The following ZNF385D variants were observed in gnomAD, a reference collection of about 807,000 sequenced individuals.
ZNF385D encodes zinc finger protein 385D.
In ZNF385D, 15 loss-of-function variants were observed where a neutral mutation model predicts 35.8. That is an observed-to-expected ratio of 0.42 (90% CI 0.28 to 0.64). ZNF385D has a LOEUF of 0.64. Among genes scored for constraint, ZNF385D ranks in the 30% least tolerant of loss-of-function variants. ZNF385D has a pLI of 0.23. For synonymous variants in ZNF385D, 212 were observed against 186.8 expected (o/e 1.13, Z -1.10); for missense variants, 474 against 494.6 (o/e 0.96, Z 0.39).
intron 3 of ZNF385D, among the ~76,000 whole-genome samples, chr3:22,105,370 T>C (rs535626896): frequency 3.3e-5 from 5 of 152,124 alleles, no homozygotes; most frequent in African/African-American, 1.2e-4. Context: ...TATATATCTA[T>C]ATCTCTCTCT....
chr3:22,003,693 C>T (rs1696003094), intron 3 of ZNF385D, among the ~76,000 whole-genome samples: 1 of 152,022 alleles, frequency 6.6e-6, no homozygotes, highest in African/African-American at 2.4e-5. Context: ...ATGATGAAAC[C>T]ATGTCTCTAC....
At chr3:22,155,236 A>G (rs77725219) in intron 3 of ZNF385D, among the ~76,000 whole-genome samples, 3,975 of 152,216 alleles carry the variant, frequency 0.026, 169 homozygotes, top group Admixed American at 0.11. Context: ...AGTACAGAAA[A>G]ACATTATTGA....
chr3:21,455,494 C>T (rs934336711), intron 4 of ZNF385D, among the ~76,000 whole-genome samples: 5 of 152,112 alleles, frequency 3.3e-5, no homozygotes, highest in African/African-American at 1.2e-4. Flanking sequence ...GAAAGGATTC[C>T]CTATTTAATA....
intron 3 of ZNF385D, among the ~76,000 whole-genome samples, chr3:21,854,200 G>T (rs569923369): frequency 6.6e-6 from 1 of 151,772 alleles, no homozygotes; most frequent in African/African-American, 2.4e-5. Flanking sequence ...ATCTTGGGCC[G>T]CTCCATTCAT....
chr3:21,930,181 T>A (rs531512574), intron 3 of ZNF385D, among the ~76,000 whole-genome samples: 1 of 151,230 alleles, frequency 6.6e-6, no homozygotes, highest in African/African-American at 2.4e-5. Flanking sequence ...GCCAAGAAAG[T>A]TAAAGGGGTG....
At chr3:21,617,108 A>T (rs1391750981) in intron 2 of ZNF385D, among the ~76,000 whole-genome samples, 2 of 152,150 alleles carry the variant, frequency 1.3e-5, no homozygotes, top group Non-Finnish European at 2.9e-5. Flanking sequence ...ATCAATAACA[A>T]TTTCTACATT....
Position 21,757,120 on chromosome 3 carries a change from C to CTTTT in ZNF385D, c.326-92096_326-92093dup, listed in dbSNP as rs61226426. 5.6e-3 allele frequency among the ~76,000 whole-genome samples: 598 copies of CTTTT among 106,308 alleles called. 16 individuals are homozygous for CTTTT. The highest frequency in any genetic ancestry group is 0.013 in the Middle Eastern group (2 of 150). 69.7% of individuals were successfully genotyped at this position (106,308 alleles called of 152,430 possible). On this transcript the variant is annotated intron_variant, in intron 3 of 5. Transcript: ENST00000494108. ...CTTTGGAGACATATGATAAATTTCT[C>CTTTT]TTTTTTTTTTTTTTTTTTTGTTTTC...
intron 3 of ZNF385D, among the ~76,000 whole-genome samples, chr3:22,025,015 A>C (rs2125462747): frequency 6.6e-6 from 1 of 152,330 alleles, no homozygotes; most frequent in South Asian, 2.1e-4. Context: ...CAGCCTCACC[A>C]GGGGTCTACT....
At chr3:22,341,871 A>G (rs1317454043) in intron 2 of ZNF385D, among the ~76,000 whole-genome samples, 1 of 152,258 alleles carries the variant, frequency 6.6e-6, no homozygotes, top group Non-Finnish European at 1.5e-5. Flanking sequence ...TGCCAGGCAC[A>G]TAGTAGGTGC....
intron 3 of ZNF385D, among the ~76,000 whole-genome samples, chr3:22,063,808 G>T (rs1699805534): frequency 6.6e-6 from 1 of 152,168 alleles, no homozygotes. Context: ...TATGTGTCCA[G>T]ATTCCTTGCT....
intron 2 of ZNF385D, among the ~76,000 whole-genome samples, chr3:22,300,407 A>G (rs1157392572): frequency 6.7e-6 from 1 of 150,300 alleles, no homozygotes; most frequent in Non-Finnish European, 1.5e-5. Flanking sequence ...TTTTTTGGAT[A>G]TAACCCCAAA....
intron 2 of ZNF385D, among the ~76,000 whole-genome samples, chr3:21,624,348 A>C (rs2065080855): frequency 6.6e-6 from 1 of 152,052 alleles, no homozygotes; most frequent in South Asian, 2.1e-4. Flanking sequence ...GACCTCCAAA[A>C]TTAGTCCTAT....
chr3:21,774,916 C>T (rs1320449178), intron 3 of ZNF385D, among the ~76,000 whole-genome samples: 1 of 151,774 alleles, frequency 6.6e-6, no homozygotes, highest in Non-Finnish European at 1.5e-5. Flanking sequence ...GAGGATAGGT[C>T]CAGGTAATAG....
intron 2 of ZNF385D, among the ~76,000 whole-genome samples, chr3:22,291,511 T>C (rs1230812809): frequency 6.6e-6 from 1 of 152,068 alleles, no homozygotes; most frequent in Non-Finnish European, 1.5e-5. Context: ...ATATATCTTT[T>C]ATAATTAAGC....
intron 2 of ZNF385D, among the ~76,000 whole-genome samples, chr3:21,631,387 C>T (rs2065277016): frequency 6.6e-6 from 1 of 151,994 alleles, no homozygotes; most frequent in Non-Finnish European, 1.5e-5. Flanking sequence ...AGCAGGCCCA[C>T]CTCCTCTTAT....
chr3:22,329,718 A>G (rs1030350714), intron 2 of ZNF385D, among the ~76,000 whole-genome samples: 2 of 152,212 alleles, frequency 1.3e-5, no homozygotes, highest in Non-Finnish European at 2.9e-5. Flanking sequence ...TGCAAGCCAC[A>G]TGTAATTTTA....
chr3:22,284,229 C>T (rs1701911786), intron 2 of ZNF385D, among the ~76,000 whole-genome samples: 1 of 152,088 alleles, frequency 6.6e-6, no homozygotes, highest in Non-Finnish European at 1.5e-5. Flanking sequence ...GTCTCTGTTG[C>T]TCAGGCTGGA....
intron 3 of ZNF385D, among the ~76,000 whole-genome samples, chr3:22,050,120 A>C (rs1282698316): frequency 6.6e-6 from 1 of 151,924 alleles, no homozygotes; most frequent in Non-Finnish European, 1.5e-5. Context: ...GATCCCAACA[A>C]TTTGGGAGAC....
intron 3 of ZNF385D, among the ~76,000 whole-genome samples, chr3:21,923,930 C>T (rs1043715837): frequency 6.6e-6 from 1 of 152,194 alleles, no homozygotes; most frequent in East Asian, 1.9e-4. Flanking sequence ...GCACGTGTAC[C>T]TCCTGAATTT....
Sources: allele counts gnomAD v4.1 joint callset (sites outside exome capture counted in the v4.1 genomes callset), GRCh38; gene constraint gnomAD v4.1.1; transcripts MANE v1.5; gene names NCBI Gene and HGNC (gene_info 2026-07-23, HGNC 2026-07-21).